The following TMEM67 variants were observed in gnomAD, a reference collection of about 807,000 sequenced individuals.
The protein encoded by TMEM67 is meckelin.
A neutral mutation model predicts 136.6 loss-of-function variants in TMEM67; 124 were observed. That is an observed-to-expected ratio of 0.91 (90% CI 0.78 to 1.05). The LOEUF is 1.05. Ranked by LOEUF, TMEM67 falls within the 50% of genes least tolerant of loss-of-function variation. The pLI is 0.00. For missense variants in TMEM67, 1,107 were observed against 1,178.4 expected (o/e 0.94, Z 0.89); for synonymous variants, 364 against 390.5 (o/e 0.93, Z 0.80).
rs761073115 is a variant in TMEM67, at chr8:93,786,310, C to A, written c.1376C>A (p.Pro459Gln). Reference protein sequence around the residue: ...SGRENDLGTQPRVIRVATQIS... With the variant: ...SGRENDLGTQQRVIRVATQIS... The stretch of plus-strand genomic sequence containing the variant: ...CGAGAAAATGACTTAGGAACTCAGC[C>A]AAGAGTAATTCGAGTTGCTACTCAA... Residue 459 changes from proline to glutamine, a missense_variant, in exon 13 of 28, where the codon CCA becomes CAA. By Grantham distance (76) the Pro-to-Gln change is moderately conservative. Around this residue, in one of 3 missense-constraint regions of TMEM67, gnomAD observed 925 missense variants for 1,002.4 expected, o/e 0.92. Transcript: ENST00000453321. 11 of 1,613,958 alleles carry A rather than the reference C, an allele frequency of 6.8e-6. No homozygotes were observed. Among genetic ancestry groups the A allele is most frequent in the Admixed American group, 6.7e-5 (4 of 60,008 alleles).
At chr8:93,809,284 C>G in intron 25 of TMEM67, 123 bp downstream of exon 25, 1 of 697,000 alleles carries the variant, frequency 1.4e-6, no homozygotes, top group Non-Finnish European at 2.6e-6. Context: ...CACCTTAAGA[C>G]CTTCCCTTTT....
rs13272163 is a variant in TMEM67 at position 93,797,708 on chromosome 8, A to G, written c.2100+238A>G. On this transcript the variant is annotated intron_variant, in intron 20 of 27. Transcript: ENST00000453321. ...TTTAATAGTGTTAAGTTGGCCAGGC[A>G]CAGTGGCTCATGCCTGTAATCCCAA... Among the ~76,000 whole-genome samples, 5,806 of 152,284 alleles carry G rather than the reference A, an allele frequency of 0.038. 157 individuals carry two copies. The highest frequency in any genetic ancestry group is 0.1 in the Middle Eastern group (30 of 294).
chr8:93,825,378 C>T, the TMEM67 span, among the ~76,000 whole-genome samples: 1 of 152,140 alleles, frequency 6.6e-6, no homozygotes, highest in Non-Finnish European at 1.5e-5. Flanking sequence ...TAATTTAAGG[C>T]CACATTAATT....
At position 93,786,233 on chromosome 8, in the gene TMEM67, T is replaced by G. The variant is rs373065772; in HGVS notation, c.1299T>G (p.Ser433=). The change falls in exon 13 of 28, where the codon TCT becomes TCG. Residue 433 remains serine, a synonymous_variant. Coordinates refer to ENST00000453321, the MANE Select transcript of TMEM67 (RefSeq NM_153704.6). The part of the protein sequence containing the change: ...NKIFVNQDSN[S]GKWLLTRRIF... ...TTTTTATAATAAAAGACAGCAACTC[T>G]GGAAAGTGGCTTCTAACTCGGCGCA... 2.7e-5 allele frequency: 44 copies of G among 1,613,860 alleles called. No individual in the cohort carries two copies. The highest frequency in any genetic ancestry group is 3.7e-5 in the Non-Finnish European group (44 of 1,179,948).
intron 13 of TMEM67, among the ~76,000 whole-genome samples, 179 bp from the exon 14 acceptor site, chr8:93,787,665 A>C (rs1814172151): frequency 6.6e-6 from 1 of 152,222 alleles, no homozygotes; most frequent in Non-Finnish European, 1.5e-5. Flanking sequence ...AGTCTTGATC[A>C]CTGAAGATAG....
At chr8:93,811,521 C>G (rs1405639222) in intron 26 of TMEM67, among the ~76,000 whole-genome samples, 6 of 152,246 alleles carry the variant, frequency 3.9e-5, no homozygotes, top group Non-Finnish European at 7.4e-5. Flanking sequence ...TCCTGTAAAC[C>G]TGTTGTTTCC....
chr8:93,816,332 T>C (rs1254722920), intron 27 of TMEM67, 40 bp from the exon 28 acceptor site: 2 of 1,011,348 alleles, frequency 2.0e-6, no homozygotes, highest in Admixed American at 3.9e-5. Flanking sequence ...TTTAATTCTG[T>C]TTATATTTCT....
At chr8:93,763,745 A>G in intron 3 of TMEM67, 97 bp from the exon 4 acceptor site, 2 of 779,508 alleles carry the variant, frequency 2.6e-6, no homozygotes, top group Non-Finnish European at 4.4e-6. Flanking sequence ...TAATAGAATA[A>G]TAGTTACAAT....
chr8:93,799,904 CTTTTTTTTTTTT>C, intron 21 of TMEM67, 146 bp downstream of exon 21: 1 of 347,456 alleles, frequency 2.9e-6, no homozygotes, highest in African/African-American at 3.0e-5. Context: ...ATGGTCAGTT[CTTTTTTTTTTTT>C]TTTTTTTTTG....
intron 23 of TMEM67, among the ~76,000 whole-genome samples, chr8:93,805,507 G>T (rs986841736): frequency 6.6e-6 from 1 of 151,830 alleles, no homozygotes; most frequent in Non-Finnish European, 1.5e-5. Flanking sequence ...CATGAACCTG[G>T]GAGGTGGAGC....
intron 16 of TMEM67, among the ~76,000 whole-genome samples, chr8:93,793,774 T>C (rs1814489088): frequency 6.6e-6 from 1 of 152,220 alleles, no homozygotes. Flanking sequence ...CCCTTTTTGG[T>C]TTCTGATGTT....
At chr8:93,785,434 A>T in intron 12 of TMEM67, 56 bp downstream of exon 12, 1 of 1,523,180 alleles carries the variant, frequency 6.6e-7, no homozygotes, top group East Asian at 2.3e-5. Flanking sequence ...CAAATAAGTT[A>T]ACCTACATGA....
At chr8:93,776,300 G>A (rs1427546660) in intron 7 of TMEM67, among the ~76,000 whole-genome samples, 1 of 152,138 alleles carries the variant, frequency 6.6e-6, no homozygotes, top group Non-Finnish European at 1.5e-5. Context: ...TCTGCAAACA[G>A]GGACAATTTC....
downstream of TMEM67, among the ~76,000 whole-genome samples, chr8:93,818,816 G>A (rs1319758677): frequency 6.6e-6 from 1 of 152,062 alleles, no homozygotes. Context: ...GAGACAGAGA[G>A]AGAGAGATGG....
intron 20 of TMEM67, 62 bp downstream of exon 20, chr8:93,797,532 A>G: frequency 2.0e-6 from 3 of 1,499,878 alleles, no homozygotes; most frequent in East Asian, 2.3e-5. Context: ...TTAAACTAAT[A>G]TAATTCCAAC....
intron 27 of TMEM67, 38 bp from the exon 28 acceptor site, chr8:93,816,334 T>A: frequency 2.9e-6 from 3 of 1,028,818 alleles, no homozygotes; most frequent in Non-Finnish European, 4.5e-6. Flanking sequence ...TAATTCTGTT[T>A]ATATTTCTTT....
the TMEM67 span, among the ~76,000 whole-genome samples, chr8:93,825,037 G>A: frequency 6.6e-6 from 1 of 152,146 alleles, no homozygotes; most frequent in African/African-American, 2.4e-5. Flanking sequence ...TTCTTTATCT[G>A]TCAACCTGGG....
chr8:93,780,893 C>A lies in TMEM67; in HGVS notation c.889C>A (p.Leu297Met). ...TTATAGGAGACAGAATCTTCCTTGG[C>A]TGTTTTATGGAGACCAGTTAGGATT... ...ISFWRQNLPW[L>M]FYGDQLGLAP... The change falls in exon 9 of 28, where the codon CTG becomes ATG. Residue 297 changes from leucine (L) to methionine (M), a missense_variant. Physicochemically the swap from Leu to Met is conservative, Grantham distance 15 (BLOSUM62 2). Coordinates refer to ENST00000453321, the MANE Select transcript of TMEM67 (RefSeq NM_153704.6). 6.2e-7 allele frequency: 1 copy of A among 1,611,754 alleles called. No individual in the cohort carries two copies. Among genetic ancestry groups the A allele is most frequent in the Non-Finnish European group, 8.5e-7 (1 of 1,179,214 alleles).
At chr8:93,781,411 G>T (rs918357684) in intron 9 of TMEM67, among the ~76,000 whole-genome samples, 1 of 152,108 alleles carries the variant, frequency 6.6e-6, no homozygotes, top group Non-Finnish European at 1.5e-5. Flanking sequence ...TATTTAACAG[G>T]TTCAAAAGGA....
Sources: gnomAD v4.1 joint callset for allele counts (sites outside exome capture counted in the v4.1 genomes callset) on GRCh38, gnomAD v4.1.1 for gene constraint, gnomAD v4.1.1 regional missense constraint, MANE v1.5 for transcripts, NCBI Gene and HGNC (gene_info 2026-07-23, HGNC 2026-07-21) for gene names.